PELP1: variants seen among roughly 807,000 people sequenced by gnomAD.
The protein encoded by PELP1 is proline, glutamate and leucine rich protein 1, also known as proline-, glutamic acid- and leucine-rich protein 1.
Under a neutral mutation model 95.5 loss-of-function variants are expected in PELP1, and 32 were observed. The ratio of observed to expected loss-of-function variants is 0.34; its 90% CI spans 0.25 to 0.45. PELP1 has a LOEUF of 0.45. PELP1 is among the 20% of genes least tolerant of loss of function. The pLI is 1.00. For synonymous variants in PELP1, 668 were observed against 600.1 expected (o/e 1.11, Z -1.65); for missense variants, 1,358 against 1,444.8 (o/e 0.94, Z 0.97).
chr17:4,691,367 C>G lies in PELP1; in HGVS notation c.314+11G>C. 1 of 1,608,780 alleles carries G rather than the reference C, an allele frequency of 6.2e-7. No individual in the cohort carries two copies. Among genetic ancestry groups the G allele is most frequent in the South Asian group, 1.1e-5 (1 of 90,978 alleles). ...CACGCCCCTGGAGAAAAAAAAGGGC[C>G]AAAGACTTACCGAGTTTTGATGGAA... On this transcript the variant is annotated intron_variant, in intron 2 of 16. Transcript: ENST00000572293.
intron 3 of PELP1, among the ~76,000 whole-genome samples, chr17:4,683,955 T>C (rs567522477): frequency 3.3e-4 from 50 of 151,434 alleles, no homozygotes; most frequent in Middle Eastern, 3.4e-3. Context: ...CATACTAATG[T>C]TCCCTGCTAG....
chr17:4,682,722 C>T (rs971250079), intron 4 of PELP1, 81 bp downstream of exon 4: 20 of 1,469,630 alleles, frequency 1.4e-5, no homozygotes, highest in Admixed American at 1.1e-4. Flanking sequence ...ATTCCCCAGT[C>T]ACTTCCATCA....
At chr17:4,688,003 G>T (rs1452831729) in intron 3 of PELP1, among the ~76,000 whole-genome samples, 1 of 152,078 alleles carries the variant, frequency 6.6e-6, no homozygotes, top group Non-Finnish European at 1.5e-5. Flanking sequence ...CATAGTACTG[G>T]AAGTCCTAGC....
chr17:4,678,482 C>A (rs1401447047), intron 5 of PELP1, among the ~76,000 whole-genome samples: 1 of 152,128 alleles, frequency 6.6e-6, no homozygotes, highest in Non-Finnish European at 1.5e-5. Context: ...AAAAACGGCT[C>A]AAAAAGCTGG....
intron 2 of PELP1, 106 bp downstream of exon 2, chr17:4,691,272 G>A: frequency 1.2e-6 from 1 of 824,612 alleles, no homozygotes; most frequent in Non-Finnish European, 2.1e-6. Flanking sequence ...TGGGAATAGA[G>A]AGAGGTCTTG....
rs1469249907 is a variant in PELP1 at position 4,675,553 on chromosome 17, G to C, written c.1069-191C>G. 6 of 708,114 alleles carry C rather than the reference G, an allele frequency of 8.5e-6. No homozygotes were observed. The highest frequency in any genetic ancestry group is 1.5e-5 in the Non-Finnish European group (6 of 389,686). 43.9% of individuals were successfully genotyped at this position (708,114 alleles called of 1,614,324 possible). A position where few individuals can be genotyped will look rare whatever the true frequency, so the allele number is the denominator to read the frequency against. On this transcript the variant is annotated intron_variant, in intron 9 of 16. Coordinates refer to ENST00000572293, the MANE Select transcript of PELP1 (RefSeq NM_014389.3). This position sits in a 1 kb window ranked among gnomAD's most constrained non-coding sequence, Gnocchi z 4.3. ...TGGATGGAAGGTAAGAAGGATGGCT[G>C]GGCCTCTCAGCAATGACTCAGCTGA... is the stretch of plus-strand genomic sequence containing the variant.
chr17:4,683,268 T>G (rs1044426409), intron 3 of PELP1, among the ~76,000 whole-genome samples: 2 of 148,518 alleles, frequency 1.3e-5, no homozygotes, highest in South Asian at 2.1e-4. Context: ...TCACCCAGGC[T>G]GGAGTGCAGT....
chr17:4,673,398 C>T lies in PELP1; in HGVS notation c.1697G>A (p.Gly566Asp), dbSNP rs1345429545. Residue 566 changes from glycine to aspartate, a missense_variant, in exon 15 of 17, where the codon GGC becomes GAC. Around this residue, in one of 7 missense-constraint regions of PELP1, gnomAD observed 538 missense variants for 628.1 expected, o/e 0.86. Coordinates refer to ENST00000572293, the MANE Select transcript of PELP1 (RefSeq NM_014389.3). This position sits in a 1 kb window ranked among gnomAD's most constrained non-coding sequence, Gnocchi z 5.7. ...VMGVQQGEVL[G>D]SSPYTSSRCR... is the part of the protein sequence containing the mutation. ...GCGGGAGCTCGTGTACGGGGAGCTG[C>T]CTAGGACCTCACCCTGCTGTACACC... 2 of 1,596,736 alleles carry T rather than the reference C, an allele frequency of 1.3e-6. No individual in the cohort carries two copies. Among genetic ancestry groups the T allele is most frequent in the Non-Finnish European group, 1.7e-6 (2 of 1,172,286 alleles).
chr17:4,690,919 G>C lies in PELP1; in HGVS notation c.389C>G (p.Ser130Cys). ...PTELFQQHCV[S>C]WLRSIQQVLQ... Reference sequence around the variant, plus strand: ...CACCTGCTGAATGCTCCGAAGCCAAGACACACAGTGCTGCTGGAATAGCTC... The same window carrying C: ...CACCTGCTGAATGCTCCGAAGCCAACACACACAGTGCTGCTGGAATAGCTC... Residue 130 changes from serine to cysteine, a missense_variant, in exon 3 of 17, where the codon TCT becomes TGT. Transcript: ENST00000572293. The C allele has an allele frequency of 6.2e-7, 1 of 1,613,728 alleles. No homozygotes were observed. Among genetic ancestry groups the C allele is most frequent in the Non-Finnish European group, 8.5e-7 (1 of 1,179,656 alleles).
chr17:4,685,801 A>AAAAAAG (rs1244052338), intron 3 of PELP1, among the ~76,000 whole-genome samples: 1 of 148,972 alleles, frequency 6.7e-6, no homozygotes, highest in African/African-American at 2.5e-5. Context: ...TTAAAAAAAA[A>AAAAAAG]AGAACAAAAA....
intron 5 of PELP1, among the ~76,000 whole-genome samples, chr17:4,678,858 AAC>A (rs956915348): frequency 7.9e-5 from 12 of 152,162 alleles, no homozygotes; most frequent in African/African-American, 2.9e-4. Flanking sequence ...TGTAACAGAA[AAC>A]ACAGACACTT....
rs780433124 is a variant in PELP1 at position 4,689,466 on chromosome 17, A to G, written c.420+1422T>C. 3.3e-5 allele frequency among the ~76,000 whole-genome samples: 5 copies of G among 152,214 alleles called. 1 individual carries two copies. The highest frequency in any genetic ancestry group is 5.9e-5 in the Non-Finnish European group (4 of 68,040). On this transcript the variant is annotated intron_variant, in intron 3 of 16. Coordinates refer to ENST00000572293, the MANE Select transcript of PELP1 (RefSeq NM_014389.3). Reference sequence around the variant, plus strand: ...CCAGAATTTACAAAGAATTCAAACAAATCAGCCAGAAAAAAACAAATAATC... The same window carrying G: ...CCAGAATTTACAAAGAATTCAAACAGATCAGCCAGAAAAAAACAAATAATC...
intron 1 of PELP1, among the ~76,000 whole-genome samples, chr17:4,697,627 G>A (rs1413742088): frequency 6.6e-6 from 1 of 152,180 alleles, no homozygotes; most frequent in Admixed American, 6.5e-5. Flanking sequence ...GTAGCGATAA[G>A]TCAAATATGA....
At chr17:4,689,877 T>G (rs1014385116) in intron 3 of PELP1, among the ~76,000 whole-genome samples, 3 of 152,014 alleles carry the variant, frequency 2.0e-5, no homozygotes, top group African/African-American at 7.3e-5. Flanking sequence ...ATGTAAAAAA[T>G]TAGCTAGGAA....
chr17:4,689,945 G>A (rs1371910290), intron 3 of PELP1, among the ~76,000 whole-genome samples: 1 of 152,130 alleles, frequency 6.6e-6, no homozygotes, highest in Admixed American at 6.6e-5. Context: ...AGAATTGCTT[G>A]AACCCGGGAG....
At chr17:4,678,545 G>A (rs1455834828) in intron 5 of PELP1, among the ~76,000 whole-genome samples, 1 of 152,228 alleles carries the variant, frequency 6.6e-6, no homozygotes, top group African/African-American at 2.4e-5. Flanking sequence ...AGTGTACGGT[G>A]AAGCGACACG....
chr17:4,674,434 G>C (rs1258148856), intron 13 of PELP1, 76 bp downstream of exon 13: 1 of 1,370,010 alleles, frequency 7.3e-7, no homozygotes, highest in Non-Finnish European at 1.0e-6. Context: ...GGGTATAGTA[G>C]GTAGGGGAGT....
In PELP1 at chr17:4,675,015, G is replaced by A. The variant is rs1912399639; in HGVS notation, c.1275-59C>T. On this transcript the variant is annotated intron_variant, in intron 11 of 16. Transcript: ENST00000572293. The surrounding 1 kb of genome is among the most constrained non-coding windows in gnomAD (Gnocchi z 4.3). ...GGGGGTCAACATGCCAGAAGCCCCA[G>A]CCCACCTGCACCCCCTCACCCCCCT... 1 of 1,605,732 alleles carries A rather than the reference G, an allele frequency of 6.2e-7. No individual in the cohort carries two copies. The highest frequency in any genetic ancestry group is 8.5e-7 in the Non-Finnish European group (1 of 1,173,572).
At position 4,674,826 on chromosome 17, in the gene PELP1, G is replaced by A. The variant is rs555011224; in HGVS notation, c.1405C>T (p.Pro469Ser). The A allele has an allele frequency of 6.2e-7, 1 of 1,612,384 alleles. No individual in the cohort carries two copies. The highest frequency in any genetic ancestry group is 1.7e-5 in the Admixed American group (1 of 59,954). The change falls in exon 12 of 17, where the codon CCA (proline) becomes TCA (serine). Residue 469 changes from proline to serine, a missense_variant. Around this residue, in one of 7 missense-constraint regions of PELP1, gnomAD observed 538 missense variants for 628.1 expected, o/e 0.86. Transcript: ENST00000572293. ...LTHLLSDISP[P>S]ADALKLRSPR... is the part of the protein sequence containing the mutation. Reference sequence around the variant, plus strand: ...CTCCTCACCTTAAGGGCATCAGCTGGCGGGGAGATGTCGCTGAGCAGGTGG... The same window carrying A: ...CTCCTCACCTTAAGGGCATCAGCTGACGGGGAGATGTCGCTGAGCAGGTGG...
Sources: allele counts gnomAD v4.1 joint callset (sites outside exome capture counted in the v4.1 genomes callset), GRCh38; gene constraint gnomAD v4.1.1; regional missense constraint gnomAD v4.1.1; non-coding constraint Gnocchi (gnomAD v3.1); transcripts MANE v1.5; gene names NCBI Gene and HGNC (gene_info 2026-07-23, HGNC 2026-07-21).